Variants in DLG2 observed in about 807,000 individuals in gnomAD.
DLG2 encodes the protein disks large homolog 2.
A neutral mutation model predicts 132.5 loss-of-function variants in DLG2; 45 were observed. The observed-to-expected ratio is 0.34, with a 90% confidence interval of 0.27 to 0.44. DLG2 has a LOEUF of 0.44. Among genes scored for constraint, DLG2 ranks in the 20% least tolerant of loss-of-function variants. DLG2 has a pLI of 1.00. For missense variants in DLG2, 1,045 were observed against 1,196.9 expected (o/e 0.87, Z 1.87); for synonymous variants, 424 against 419.6 (o/e 1.01, Z -0.13).
chr11:84,102,748 G>A (rs2092635023), intron 9 of DLG2, among the ~76,000 whole-genome samples: 1 of 152,088 alleles, frequency 6.6e-6, no homozygotes, highest in Non-Finnish European at 1.5e-5. Flanking sequence ...AGAGAAAAGG[G>A]GATGTTTTAG....
chr11:84,209,952 T>C (rs1191232205), intron 8 of DLG2, among the ~76,000 whole-genome samples: 1 of 152,088 alleles, frequency 6.6e-6, no homozygotes, highest in Non-Finnish European at 1.5e-5. Flanking sequence ...ATAACACCTA[T>C]CTAAGGATCC....
intron 7 of DLG2, among the ~76,000 whole-genome samples, chr11:84,335,987 C>A (rs1212011570): frequency 2.6e-5 from 4 of 152,188 alleles, no homozygotes; most frequent in African/African-American, 9.7e-5. Flanking sequence ...TATAATTCAA[C>A]ATAAATTTTT....
intron 7 of DLG2, among the ~76,000 whole-genome samples, chr11:84,393,501 T>C (rs2098800228): frequency 6.6e-6 from 1 of 152,198 alleles, no homozygotes. Flanking sequence ...ACAGTTTACC[T>C]ATTTTGAACT....
At chr11:85,247,681 C>G (rs1346797651) in intron 4 of DLG2, among the ~76,000 whole-genome samples, 1 of 151,986 alleles carries the variant, frequency 6.6e-6, no homozygotes, top group Non-Finnish European at 1.5e-5. Context: ...ATTCAAGAGA[C>G]AAGGGATAGC....
chr11:84,690,915 T>C (rs960631315), intron 6 of DLG2, among the ~76,000 whole-genome samples: 12 of 151,872 alleles, frequency 7.9e-5, no homozygotes, highest in Non-Finnish European at 5.9e-5. Flanking sequence ...GTGGCATATA[T>C]GATATTTTGA....
rs147906349 is a variant in DLG2 at position 84,964,030 on chromosome 11, C to T, written c.357+147631G>A. 1.1e-3 allele frequency among the ~76,000 whole-genome samples: 171 copies of T among 152,012 alleles called. 1 individual carries two copies. Among genetic ancestry groups the T allele is most frequent in the African/African-American group, 3.9e-3 (163 of 41,486 alleles). ...TATATTTCCACTTAATGAAGCTAACCGTATTACCAGTCAAAGCTTTCTGGA... is the reference window on the plus strand; with the variant it reads ...TATATTTCCACTTAATGAAGCTAACTGTATTACCAGTCAAAGCTTTCTGGA... On this transcript the variant is annotated intron_variant, in intron 6 of 27. Coordinates refer to ENST00000376104, the MANE Select transcript of DLG2 (RefSeq NM_001142699.3).
At chr11:84,004,947 C>CAAAAAAAAAAAAAACAA (rs56323323) in intron 11 of DLG2, among the ~76,000 whole-genome samples, 1 of 138,082 alleles carries the variant, frequency 7.2e-6, no homozygotes, top group African/African-American at 2.7e-5. Context: ...TATATAGAAT[C>CAAAAAAAAAAAAAACAA]AAAAAAAAAA....
At chr11:83,748,379 C>G (rs12287368) in intron 18 of DLG2, among the ~76,000 whole-genome samples, 1 of 152,144 alleles carries the variant, frequency 6.6e-6, no homozygotes, top group African/African-American at 2.4e-5. Flanking sequence ...TTCAGAGACA[C>G]CTCATGTTCA....
chr11:84,923,078 T>G (rs1284485337), intron 6 of DLG2: 2 of 1,613,944 alleles, frequency 1.2e-6, no homozygotes, highest in Non-Finnish European at 1.7e-6. Context: ...TCCTCTTACC[T>G]TCACGTTAGT....
chr11:83,952,464 A>AG (rs1263839194), intron 14 of DLG2, among the ~76,000 whole-genome samples: 1 of 152,262 alleles, frequency 6.6e-6, no homozygotes, highest in East Asian at 1.9e-4. Flanking sequence ...CTGATTAGGC[A>AG]GTGGAAATTT....
At position 85,483,731 on chromosome 11, in the gene DLG2, G is replaced by C. The variant is rs566270050; in HGVS notation, c.40+114926C>G. On this transcript the variant is annotated intron_variant, in intron 3 of 27. Coordinates refer to ENST00000376104, the MANE Select transcript of DLG2 (RefSeq NM_001142699.3). ...TGCCAAGGCAGGTAGATCACTTGAG[G>C]TCAGGAGTTCAAGACCAGCCTGGCC... Among the ~76,000 whole-genome samples, 4 of 151,958 alleles carry C rather than the reference G, an allele frequency of 2.6e-5. No individual in the cohort carries two copies. In the South Asian group the frequency reaches 6.3e-4, roughly 24 times the overall value.
At chr11:85,449,776 T>G (rs1485364653) in intron 3 of DLG2, among the ~76,000 whole-genome samples, 1 of 127,938 alleles carries the variant, frequency 7.8e-6, no homozygotes, top group Non-Finnish European at 1.6e-5. Context: ...GCTTTCGAAT[T>G]GGAACTACCT....
chr11:83,802,819 T>C (rs1001079596), intron 17 of DLG2, among the ~76,000 whole-genome samples: 3 of 152,100 alleles, frequency 2.0e-5, no homozygotes, highest in African/African-American at 4.8e-5. Context: ...TGAATGATCT[T>C]ATAGAGAATG....
chr11:84,828,121 A>T (rs1452622045), intron 6 of DLG2, among the ~76,000 whole-genome samples: 1 of 151,794 alleles, frequency 6.6e-6, no homozygotes, highest in Admixed American at 6.6e-5. Flanking sequence ...CCAAGATGGA[A>T]AACTGAGAAT....
intron 6 of DLG2, among the ~76,000 whole-genome samples, chr11:84,630,569 A>C (rs774101734): frequency 2.6e-4 from 39 of 152,180 alleles, no homozygotes; most frequent in Non-Finnish European, 5.0e-4. Flanking sequence ...GCATGATCTT[A>C]TCTATTAAAT....
intron 6 of DLG2, among the ~76,000 whole-genome samples, chr11:84,747,167 G>C (rs2065484511): frequency 6.6e-6 from 1 of 151,936 alleles, no homozygotes; most frequent in South Asian, 2.1e-4. Flanking sequence ...AAGAAGGGAG[G>C]GGACAAATGA....
At chr11:84,863,652 T>C (rs2084095739) in intron 6 of DLG2, among the ~76,000 whole-genome samples, 2 of 152,132 alleles carry the variant, frequency 1.3e-5, no homozygotes, top group South Asian at 4.1e-4. Flanking sequence ...TGGGCTTCCA[T>C]GGAAGAAAAA....
chr11:83,856,878 C>T (rs913052135), intron 16 of DLG2, among the ~76,000 whole-genome samples: 1 of 152,062 alleles, frequency 6.6e-6, no homozygotes, highest in Non-Finnish European at 1.5e-5. Context: ...CTTTTGGCAC[C>T]TTCATCATGA....
chr11:83,899,530 G>T (rs529759080), intron 15 of DLG2, among the ~76,000 whole-genome samples: 4 of 152,190 alleles, frequency 2.6e-5, no homozygotes, highest in African/African-American at 9.6e-5. Context: ...TGAATCATGG[G>T]GGCAGGTCTT....
Sources: gnomAD v4.1 joint callset for allele counts (sites outside exome capture counted in the v4.1 genomes callset) on GRCh38, gnomAD v4.1.1 for gene constraint, MANE v1.5 for transcripts, NCBI Gene and HGNC (gene_info 2026-07-23, HGNC 2026-07-21) for gene names.